The following DMD variants were observed in gnomAD, a reference collection of about 807,000 sequenced individuals.
DMD encodes the protein dystrophin, also known as mutant dystrophin.
In DMD, 63 loss-of-function variants were observed where a neutral mutation model predicts 330.1. That is an observed-to-expected ratio of 0.19 (90% CI 0.16 to 0.24). The LOEUF is 0.24. Ranked by LOEUF, DMD falls within the 10% of genes least tolerant of loss-of-function variation. The pLI is 1.00. For missense variants in DMD, 3,344 were observed against 2,684.1 expected, an observed-to-expected ratio of 1.25 and a Z score of -5.43; for synonymous variants, 1,223 against 959.8, an observed-to-expected ratio of 1.27 and a Z score of -5.07.
chrX:32,637,647 G>A (rs896777540), intron 11 of DMD, among the ~76,000 whole-genome samples: 9 of 111,482 alleles, frequency 8.1e-5, no homozygotes, highest in South Asian at 3.8e-4. Flanking sequence ...GGCATGGCTG[G>A]GGAGGCCTCA....
In DMD at chrX:31,542,319, C is replaced by T. The variant is rs780196797; in HGVS notation, c.8218-34866G>A. 2.5e-3 allele frequency among the ~76,000 whole-genome samples: 274 copies of T among 111,728 alleles called. 1 individual carries two copies. Among genetic ancestry groups the T allele is most frequent in the Non-Finnish European group, 3.9e-3 (207 of 53,148 alleles). ...AAAGACGAAGGGTATTCCAGGAAGA[C>T]GGAATGGCATGTACGATAACATTGG... On this transcript the variant is annotated intron_variant, in intron 55 of 78. Transcript: ENST00000357033.
chrX:32,709,072 T>C (rs1358768425), intron 7 of DMD, among the ~76,000 whole-genome samples: 1 of 112,094 alleles, frequency 8.9e-6, no homozygotes, highest in Non-Finnish European at 1.9e-5. Context: ...ATTTTCAAAT[T>C]ACAAAGATAC....
At chrX:31,437,780 C>A (rs1444980845) in intron 60 of DMD, among the ~76,000 whole-genome samples, 2 of 106,113 alleles carry the variant, frequency 1.9e-5, no homozygotes, top group African/African-American at 3.4e-5. Flanking sequence ...ATTTTACATT[C>A]TTTTTTTGGT....
chrX:32,448,495 C>A lies in DMD; in HGVS notation c.3747G>T (p.Trp1249Cys), dbSNP rs886043635. The A allele has an allele frequency of 3.3e-6, 4 of 1,206,920 alleles. No homozygotes were observed. The highest frequency in any genetic ancestry group is 4.5e-6 in the Non-Finnish European group (4 of 892,995). Reference protein sequence around the residue: ...ELETLTTNYQWLCTRLNGKCK... With the variant: ...ELETLTTNYQCLCTRLNGKCK... The stretch of plus-strand genomic sequence containing the variant: ...ATTTCCCATTCAGCCTAGTGCAGAG[C>A]CACTGGTAGTTGGTGGTTAGAGTTT... Residue 1249 changes from tryptophan (W) to cysteine (C), a missense_variant, in exon 27 of 79, where the codon TGG becomes TGT. Physicochemically the swap from Trp to Cys is radical, Grantham distance 215. Coordinates refer to ENST00000357033, the MANE Select transcript of DMD (RefSeq NM_004006.3).
chrX:31,122,013 A>ATCAT (rs2147585401), intron 78 of DMD, 83 bp from the exon 79 acceptor site: 1 of 744,068 alleles, frequency 1.3e-6, no homozygotes, highest in East Asian at 3.2e-5. Flanking sequence ...CATTTGGGAA[A>ATCAT]TCATTCCCCA....
intron 51 of DMD, among the ~76,000 whole-genome samples, chrX:31,761,892 C>T (rs766233865): frequency 8.9e-6 from 1 of 112,308 alleles, no homozygotes; most frequent in African/African-American, 3.2e-5. Flanking sequence ...AGTATCTTGG[C>T]TAGCATAGCC....
intron 28 of DMD, among the ~76,000 whole-genome samples, chrX:32,440,522 A>G (rs1332444905): frequency 9.0e-6 from 1 of 111,466 alleles, no homozygotes; most frequent in African/African-American, 3.2e-5. Flanking sequence ...TACATATATT[A>G]CATATTCTAA....
intron 55 of DMD, among the ~76,000 whole-genome samples, chrX:31,612,090 T>C (rs934870058): frequency 9.9e-5 from 11 of 110,891 alleles, no homozygotes; most frequent in African/African-American, 3.6e-4. Context: ...GTTTTCATCA[T>C]CCCAAACTGA....
At position 31,364,558 on chromosome X, in the gene DMD, A is replaced by G. The variant is rs556236319; in HGVS notation, c.9085-15924T>C. Among the ~76,000 whole-genome samples the G allele has an allele frequency of 3.2e-4, 36 of 112,340 alleles. 1 individual carries two copies. In the South Asian group the frequency reaches 0.013, roughly 41 times the overall value. On this transcript the variant is annotated intron_variant, in intron 60 of 78. Coordinates refer to ENST00000357033, the MANE Select transcript of DMD (RefSeq NM_004006.3). ...CTTTATAATAAAGGGGAAACTACAG[A>G]AACATTTAAGAAAATTAGCATTGAT...
chrX:32,531,216 G>A (rs1425766259), intron 17 of DMD, among the ~76,000 whole-genome samples: 1 of 111,558 alleles, frequency 9.0e-6, no homozygotes, highest in Non-Finnish European at 1.9e-5. Flanking sequence ...GCCATTTTGA[G>A]GTACACACAA....
At position 32,342,241 on chromosome X, in the gene DMD, A is replaced by G. The variant is rs2148813420; in HGVS notation, c.5781T>C (p.Asn1927=). Residue 1927 remains asparagine (N), a synonymous_variant, in exon 41 of 79, where the codon AAT becomes AAC. Coordinates refer to ENST00000357033, the MANE Select transcript of DMD (RefSeq NM_004006.3). ...AGCCCTCAGCTTGCCTACGCACTGC[A>G]TTCAGCTCCTCTTTCTTCTTCTGCA... The part of the protein sequence containing the change: ...RELQKKKEEL[N]AVRRQAEGLS... 8.3e-7 allele frequency: 1 copy of G among 1,211,504 alleles called. No homozygotes were observed. The highest frequency in any genetic ancestry group is 1.1e-6 in the Non-Finnish European group (1 of 895,447).
Position 32,306,945 on chromosome X carries a change from A to G in DMD, c.6117+3137T>C, listed in dbSNP as rs923838861. On this transcript the variant is annotated intron_variant, in intron 42 of 78. Transcript: ENST00000357033. ...CTATGTTCTTATTTTTGTCCTAAAA[A>G]TTCACATTTATTGATACCAAGGCCT... Among the ~76,000 whole-genome samples the G allele has an allele frequency of 1.9e-4, 21 of 111,515 alleles. No individual in the cohort carries two copies. In the East Asian group the frequency reaches 5.4e-3, roughly 29 times the overall value.
At chrX:32,815,081 G>A (rs934899397) in intron 6 of DMD, among the ~76,000 whole-genome samples, 4 of 110,835 alleles carry the variant, frequency 3.6e-5, no homozygotes, top group African/African-American at 1.3e-4. Flanking sequence ...GCTGCTTAAC[G>A]TGACATTTGA....
At chrX:32,065,020 A>C (rs2147723197) in intron 44 of DMD, among the ~76,000 whole-genome samples, 1 of 111,691 alleles carries the variant, frequency 9.0e-6, no homozygotes, top group Non-Finnish European at 1.9e-5. Context: ...GTACCTACGA[A>C]GCAACCAATG....
At chrX:32,502,410 T>A (rs1049128223) in intron 18 of DMD, among the ~76,000 whole-genome samples, 4 of 111,615 alleles carry the variant, frequency 3.6e-5, no homozygotes, top group Non-Finnish European at 7.5e-5. Flanking sequence ...CAAGATTGAG[T>A]TTCAAAAAAC....
chrX:31,590,851 T>C (rs187418766), intron 55 of DMD, among the ~76,000 whole-genome samples: 1 of 112,046 alleles, frequency 8.9e-6, no homozygotes, highest in African/African-American at 3.2e-5. Flanking sequence ...GATGTTAAGA[T>C]AGACTATTTA....
chrX:32,649,132 C>T lies in DMD; in HGVS notation c.961-3980G>A, dbSNP rs1159668641. Among the ~76,000 whole-genome samples the T allele has an allele frequency of 6.5e-5, 7 of 108,485 alleles. 1 individual carries two copies. The highest frequency in any genetic ancestry group is 2.3e-4 in the African/African-American group (7 of 29,807). 94.2% of individuals were successfully genotyped at this position (108,485 alleles called of 115,157 possible). Reference sequence around the variant, plus strand: ...ATTCTGTTTTTGTTTTTTTTTTTTCCCCCAAAATTGAGTACACTCAAATTT... The same window carrying T: ...ATTCTGTTTTTGTTTTTTTTTTTTCTCCCAAAATTGAGTACACTCAAATTT... On this transcript the variant is annotated intron_variant, in intron 9 of 78. Transcript: ENST00000357033.
chrX:32,993,485 C>T (rs778743930), intron 2 of DMD, among the ~76,000 whole-genome samples: 2 of 109,704 alleles, frequency 1.8e-5, no homozygotes, highest in East Asian at 5.7e-4. Context: ...TGCCTGTAGT[C>T]CCAGCTACTT....
At chrX:32,275,861 G>A (rs1025682138) in intron 43 of DMD, among the ~76,000 whole-genome samples, 3 of 111,351 alleles carry the variant, frequency 2.7e-5, no homozygotes, top group Admixed American at 1.9e-4. Flanking sequence ...ACATCAAATT[G>A]TAACAACTAT....
Sources: gnomAD v4.1 joint callset for allele counts (sites outside exome capture counted in the v4.1 genomes callset) on GRCh38, gnomAD v4.1.1 for gene constraint, MANE v1.5 for transcripts, NCBI Gene and HGNC (gene_info 2026-07-23, HGNC 2026-07-21) for gene names.